GPC5: variants seen among roughly 807,000 people sequenced by gnomAD.
GPC5 encodes glypican 5.
Under a neutral mutation model 53.9 loss-of-function variants are expected in GPC5, and 47 were observed. That is an observed-to-expected ratio of 0.87 (90% CI 0.69 to 1.11). GPC5 has a LOEUF of 1.11. Among genes scored for constraint, GPC5 ranks in the 50% most tolerant of loss-of-function variants. The pLI is 0.00. For synonymous variants in GPC5, 286 were observed against 263.3 expected (o/e 1.09, Z -0.84); for missense variants, 748 against 713.1 (o/e 1.05, Z -0.56).
chr13:91,661,323 G>A (rs2034982306), intron 2 of GPC5, among the ~76,000 whole-genome samples: 1 of 152,184 alleles, frequency 6.6e-6, no homozygotes, highest in South Asian at 2.1e-4. Context: ...TTTTGAAAAA[G>A]CCAGATGTTC....
At chr13:92,425,506 GC>G (rs1465069630) in intron 7 of GPC5, among the ~76,000 whole-genome samples, 1 of 152,004 alleles carries the variant, frequency 6.6e-6, no homozygotes, top group East Asian at 1.9e-4. Context: ...CCCCTTTAGA[GC>G]TAAGGAAACA....
chr13:92,516,130 A>G (rs1880767519), intron 7 of GPC5, among the ~76,000 whole-genome samples: 2 of 152,104 alleles, frequency 1.3e-5, no homozygotes, highest in Non-Finnish European at 2.9e-5. Context: ...AGTTCACCTA[A>G]TAGTACCATT....
intron 5 of GPC5, among the ~76,000 whole-genome samples, chr13:91,894,749 GA>G (rs1398813974): frequency 2.6e-5 from 4 of 152,234 alleles, no homozygotes; most frequent in Middle Eastern, 3.4e-3. Flanking sequence ...ATCATTTGCA[GA>G]CATCCATCAC....
intron 7 of GPC5, among the ~76,000 whole-genome samples, chr13:92,819,243 T>C (rs1392575044): frequency 2.6e-5 from 4 of 151,198 alleles, no homozygotes; most frequent in Non-Finnish European, 1.5e-5. Flanking sequence ...TTCCTTCTCA[T>C]TTCTATGTAG....
chr13:92,698,105 A>T (rs548334633), intron 7 of GPC5, among the ~76,000 whole-genome samples: 35 of 152,170 alleles, frequency 2.3e-4, no homozygotes, highest in African/African-American at 7.9e-4. Context: ...GCTTGCCAGT[A>T]TTTTATTGAG....
chr13:92,169,865 AT>A (rs2042057144), intron 7 of GPC5, among the ~76,000 whole-genome samples: 1 of 152,098 alleles, frequency 6.6e-6, no homozygotes, highest in Non-Finnish European at 1.5e-5. Flanking sequence ...GGCTGTGAAC[AT>A]TTGGAACTAT....
intron 6 of GPC5, among the ~76,000 whole-genome samples, chr13:92,046,139 A>G (rs921456890): frequency 1.1e-4 from 16 of 151,914 alleles, no homozygotes; most frequent in African/African-American, 3.4e-4. Context: ...AAAATTCACT[A>G]ATGTCTCAAG....
At chr13:91,514,507 T>C (rs2139344080) in intron 2 of GPC5, among the ~76,000 whole-genome samples, 1 of 152,300 alleles carries the variant, frequency 6.6e-6, no homozygotes, top group Admixed American at 6.5e-5. Flanking sequence ...GCTATCAAGT[T>C]TTGAAAGTCC....
Position 91,850,486 on chromosome 13 carries a change from C to T in GPC5, c.1281-57451C>T, listed in dbSNP as rs2038900257. Among the ~76,000 whole-genome samples, 3 of 152,094 alleles carry T rather than the reference C, an allele frequency of 2.0e-5. No homozygotes were observed. The South Asian group carries it at 6.2e-4, about 32-fold the overall frequency. ...GGATTTAATGTTGCCCTCTGCAACA[C>T]CTATATGTAATAAAAGACATGTTTC... On this transcript the variant is annotated intron_variant, in intron 5 of 7. Coordinates refer to ENST00000377067, the MANE Select transcript of GPC5 (RefSeq NM_004466.6).
chr13:91,965,498 T>C (rs2040172342), intron 6 of GPC5, among the ~76,000 whole-genome samples: 1 of 152,218 alleles, frequency 6.6e-6, no homozygotes, highest in Non-Finnish European at 1.5e-5. Flanking sequence ...CTCTGTATAG[T>C]TATGAGGAGT....
At chr13:92,253,958 T>C (rs928599297) in intron 7 of GPC5, among the ~76,000 whole-genome samples, 3 of 152,058 alleles carry the variant, frequency 2.0e-5, no homozygotes, top group Non-Finnish European at 4.4e-5. Flanking sequence ...ACGGGTTCTA[T>C]AGGAACTCAG....
intron 2 of GPC5, among the ~76,000 whole-genome samples, chr13:91,467,340 C>T (rs564162034): frequency 1.4e-4 from 21 of 152,288 alleles, no homozygotes; most frequent in African/African-American, 4.3e-4. Flanking sequence ...AAGTGATCCA[C>T]GATTCCTCCA....
rs145852000 is a variant in GPC5, at chr13:91,802,982, G to A, written c.1280+46562G>A. ...CACAAAAGTAAGAGTAAATAATGTA[G>A]TAGAAAATAAATAGATGATGGTGTT... On this transcript the variant is annotated intron_variant, in intron 5 of 7. Coordinates refer to ENST00000377067, the MANE Select transcript of GPC5 (RefSeq NM_004466.6). Among the ~76,000 whole-genome samples the A allele has an allele frequency of 4.3e-3, 662 of 152,224 alleles. 6 individuals carry two copies. The highest frequency in any genetic ancestry group is 0.015 in the African/African-American group (637 of 41,538).
intron 5 of GPC5, among the ~76,000 whole-genome samples, chr13:91,756,826 A>G (rs1404903381): frequency 9.2e-5 from 14 of 151,706 alleles, no homozygotes. Context: ...TGGTATATGG[A>G]TATGTGTCCT....
At chr13:91,413,973 A>C (rs1270291637) in intron 1 of GPC5, among the ~76,000 whole-genome samples, 2 of 152,222 alleles carry the variant, frequency 1.3e-5, no homozygotes, top group African/African-American at 4.8e-5. Flanking sequence ...TTAAGAACAA[A>C]GAAACATCAT....
intron 7 of GPC5, among the ~76,000 whole-genome samples, chr13:92,428,107 CA>C (rs1246616915): frequency 2.0e-5 from 3 of 152,088 alleles, no homozygotes; most frequent in Non-Finnish European, 2.9e-5. Context: ...CCGTGGTCAA[CA>C]GATATAAATA....
intron 4 of GPC5, 125 bp downstream of exon 4, chr13:91,728,790 T>G: frequency 1.0e-6 from 1 of 981,536 alleles, no homozygotes; most frequent in East Asian, 2.9e-5. Context: ...AGGATCAATA[T>G]TCATTAACTT....
chr13:92,010,215 C>T (rs1213087673), intron 6 of GPC5, among the ~76,000 whole-genome samples: 1 of 152,134 alleles, frequency 6.6e-6, no homozygotes, highest in Non-Finnish European at 1.5e-5. Flanking sequence ...CGTTTATCAG[C>T]ACTTAACATA....
rs919882633 is a variant in GPC5 at position 92,357,902 on chromosome 13, C to T, written c.1561+212913C>T. On this transcript the variant is annotated intron_variant, in intron 7 of 7. Transcript: ENST00000377067. ...GGGGGGACACAAATCCAAACCATAT[C>T]ATTCTGCACCTGGCCCCTACCAAAT... Among the ~76,000 whole-genome samples the T allele has an allele frequency of 5.9e-5, 9 of 151,394 alleles. 1 individual carries two copies. The highest frequency in any genetic ancestry group is 2.2e-4 in the African/African-American group (9 of 40,762).
Sources: allele counts gnomAD v4.1 joint callset (sites outside exome capture counted in the v4.1 genomes callset), GRCh38; gene constraint gnomAD v4.1.1; transcripts MANE v1.5; gene names NCBI Gene and HGNC (gene_info 2026-07-23, HGNC 2026-07-21).